The following ACSF2 variants were observed in gnomAD, a reference collection of about 807,000 sequenced individuals.
ACSF2 encodes acyl-CoA synthetase family member 2, also known as medium-chain acyl-CoA ligase ACSF2, mitochondrial.
A neutral mutation model predicts 79.3 loss-of-function variants in ACSF2; 52 were observed. That is an observed-to-expected ratio of 0.66 (90% CI 0.53 to 0.83). The LOEUF (loss-of-function observed/expected upper bound fraction) is 0.83. Ranked by LOEUF, ACSF2 falls within the 40% of genes least tolerant of loss-of-function variation. The probability of loss-of-function intolerance (pLI) is 0.00; values close to 1 mark genes in which losing one functional copy is unlikely to be tolerated. For missense variants in ACSF2, 661 were observed against 803.3 expected, an observed-to-expected ratio of 0.82 and a Z score of 2.14; for synonymous variants, 283 against 312.6, an observed-to-expected ratio of 0.91 and a Z score of 1.00.
At chr17:50,436,023 AT>A (rs969484810) in intron 1 of ACSF2, among the ~76,000 whole-genome samples, 9 of 151,104 alleles carry the variant, frequency 6.0e-5, no homozygotes, top group Middle Eastern at 3.4e-3. Flanking sequence ...AGATTTTATA[AT>A]TTTTTTTTAC....
chr17:50,462,177 T>C lies in ACSF2; in HGVS notation c.508-7T>C. ...CTGACTGGAGGTGGGGGACTCCCCT[T>C]CCACAGGTGGGCTGCAAGGCCCTTG... On this transcript the variant is annotated splice_region_variant and splice_polypyrimidine_tract_variant and intron_variant, in intron 4 of 15. Coordinates refer to ENST00000300441, the MANE Select transcript of ACSF2 (RefSeq NM_025149.6). 3 of 1,613,562 alleles carry C rather than the reference T, an allele frequency of 1.9e-6. No homozygotes were observed. In the South Asian group the frequency reaches 3.3e-5, roughly 18 times the overall value.
chr17:50,460,469 C>G (rs992842344), intron 1 of ACSF2: 2 of 592,616 alleles, frequency 3.4e-6, no homozygotes, highest in Non-Finnish European at 6.0e-6. Flanking sequence ...TTGGTGTAAC[C>G]TTGTCCCTGT....
chr17:50,464,746 A>T (rs1460649117), intron 10 of ACSF2: 7 of 320,346 alleles, frequency 2.2e-5, no homozygotes, highest in Non-Finnish European at 4.2e-5. Context: ...CTGATGACCA[A>T]CCTGTTGTGG....
chr17:50,426,272 A>G lies in ACSF2; in HGVS notation c.11A>G (p.Tyr4Cys), dbSNP rs373495853. The change falls in exon 1 of 16, where the codon TAC becomes TGC. Residue 4 changes from tyrosine to cysteine, a missense_variant. Physicochemically the swap from Tyr to Cys is radical, Grantham distance 194. Coordinates refer to ENST00000300441, the MANE Select transcript of ACSF2 (RefSeq NM_025149.6). MAV[Y>C]VGMLRLGRLC... The stretch of plus-strand genomic sequence containing the variant: ...AGGGCAAAGCGAGCCATGGCTGTCT[A>G]CGTCGGGATGCTGCGCCTGGGGAGG... 4.3e-6 allele frequency: 6 copies of G among 1,391,536 alleles called. No homozygotes were observed. The highest frequency in any genetic ancestry group is 5.6e-6 in the Non-Finnish European group (6 of 1,066,312). 86.2% of individuals were successfully genotyped at this position (1,391,536 alleles called of 1,614,324 possible).
chr17:50,442,591 A>G (rs1598399596), intron 1 of ACSF2, among the ~76,000 whole-genome samples: 2 of 151,998 alleles, frequency 1.3e-5, no homozygotes, highest in South Asian at 2.1e-4. Context: ...TTAGCCTCCC[A>G]AGTAGCTGGG....
chr17:50,441,868 C>T (rs1018177774), intron 1 of ACSF2, among the ~76,000 whole-genome samples: 3 of 151,834 alleles, frequency 2.0e-5, no homozygotes, highest in Admixed American at 1.3e-4. Flanking sequence ...TGAGACAGGA[C>T]CTTACTCTGT....
At chr17:50,466,618 G>A (rs114247589) in intron 10 of ACSF2, among the ~76,000 whole-genome samples, 2,862 of 152,288 alleles carry the variant, frequency 0.019, 100 homozygotes, top group African/African-American at 0.065. Flanking sequence ...TGGGCAGTGG[G>A]CCCAGGCTCC....
intron 3 of ACSF2, 126 bp from the exon 4 acceptor site, chr17:50,461,507 C>T (rs1190891933): frequency 6.3e-7 from 1 of 1,583,712 alleles, no homozygotes; most frequent in Non-Finnish European, 8.6e-7. Flanking sequence ...TCCTGAGGCC[C>T]ACCAAGGAGG....
chr17:50,446,329 C>A (rs1454597710), intron 1 of ACSF2, among the ~76,000 whole-genome samples: 2 of 151,954 alleles, frequency 1.3e-5, no homozygotes, highest in African/African-American at 4.8e-5. Flanking sequence ...GCAATCTTGG[C>A]TCACTGCAAT....
At chr17:50,427,394 A>G (rs536076920) in intron 1 of ACSF2, among the ~76,000 whole-genome samples, 7 of 152,226 alleles carry the variant, frequency 4.6e-5, no homozygotes, top group Non-Finnish European at 1.0e-4. Flanking sequence ...GAAAGCATGC[A>G]ATGCCTTAAC....
At chr17:50,426,513 T>C (rs1016661127) in intron 1 of ACSF2, 124 bp downstream of exon 1, 3 of 1,128,494 alleles carry the variant, frequency 2.7e-6, no homozygotes, top group East Asian at 3.1e-5. Context: ...TACCCGCCCC[T>C]CCCCCGCCCC....
At chr17:50,461,891 T>C (rs2032350850) in intron 4 of ACSF2, among the ~76,000 whole-genome samples, 1 of 151,070 alleles carries the variant, frequency 6.6e-6, no homozygotes, top group Non-Finnish European at 1.5e-5. Context: ...CTGGCGTGAG[T>C]GTGCAGGGAC....
chr17:50,461,532 G>T lies in ACSF2; in HGVS notation c.454-101G>T, dbSNP rs929213923. ...CACCAAGGAGGTCTCTGGGAGTTAGGGGGCTGTAGAGTGCTGCCTCTATGC... is the reference window on the plus strand; with the variant it reads ...CACCAAGGAGGTCTCTGGGAGTTAGTGGGCTGTAGAGTGCTGCCTCTATGC... On this transcript the variant is annotated intron_variant, in intron 3 of 15. Transcript: ENST00000300441. 6.3e-6 allele frequency: 10 copies of T among 1,593,780 alleles called. No individual in the cohort carries two copies. In the African/African-American group the frequency reaches 1.2e-4, roughly 19 times the overall value.
intron 10 of ACSF2, among the ~76,000 whole-genome samples, chr17:50,466,222 G>A (rs1173270653): frequency 6.6e-6 from 1 of 151,680 alleles, no homozygotes; most frequent in African/African-American, 2.4e-5. Context: ...GAGTAGCTGG[G>A]ACTACAAGTG....
Position 50,462,439 on chromosome 17 carries a change from G to A in ACSF2, c.646G>A (p.Val216Ile). 2 of 1,593,498 alleles carry A rather than the reference G, an allele frequency of 1.3e-6. No individual in the cohort carries two copies. The highest frequency in any genetic ancestry group is 1.7e-4 in the Middle Eastern group (1 of 5,930). Reference sequence around the variant, plus strand: ...CCCCAGGCTCCCAGATCTGACCACAGTCATCTCGGTGGATGCCCCTTTGCC... The same window carrying A: ...CCCCAGGCTCCCAGATCTGACCACAATCATCTCGGTGGATGCCCCTTTGCC... ...KSQRLPDLTT[V>I]ISVDAPLPGT... is the part of the protein sequence containing the mutation. Residue 216 changes from valine (V) to isoleucine (I), a missense_variant, in exon 6 of 16, where the codon GTC (valine) becomes ATC (isoleucine). Transcript: ENST00000300441.
In ACSF2 at chr17:50,462,446, C is replaced by T. The variant is rs773684392; in HGVS notation, c.653C>T (p.Ser218Leu). ...QRLPDLTTVI[S>L]VDAPLPGTLL... ...CTCCCAGATCTGACCACAGTCATCTCGGTGGATGCCCCTTTGCCGGGGACC... is the reference window on the plus strand; with the variant it reads ...CTCCCAGATCTGACCACAGTCATCTTGGTGGATGCCCCTTTGCCGGGGACC... The change falls in exon 6 of 16, where the codon TCG becomes TTG. Residue 218 changes from serine to leucine, a missense_variant. Coordinates refer to ENST00000300441, the MANE Select transcript of ACSF2 (RefSeq NM_025149.6). The T allele has an allele frequency of 1.5e-5, 24 of 1,611,584 alleles. No homozygotes were observed. In the East Asian group the frequency reaches 1.8e-4, roughly 12 times the overall value.
intron 6 of ACSF2, chr17:50,462,831 A>G: frequency 1.7e-6 from 1 of 591,124 alleles, no homozygotes; most frequent in East Asian, 2.8e-5. Context: ...TCACTGAACC[A>G]ACACAGGTTG....
At position 50,463,847 on chromosome 17, in the gene ACSF2, T is replaced by C. The variant is rs778283986; in HGVS notation, c.1076T>C (p.Met359Thr). 3.1e-6 allele frequency: 5 copies of C among 1,614,092 alleles called. No homozygotes were observed. Among genetic ancestry groups the C allele is most frequent in the Middle Eastern group, 1.6e-4 (1 of 6,062 alleles). The change falls in exon 9 of 16, where the codon ATG becomes ACG. Residue 359 changes from methionine to threonine, a missense_variant. Coordinates refer to ENST00000300441, the MANE Select transcript of ACSF2 (RefSeq NM_025149.6). The surrounding 1 kb of genome is among the most constrained non-coding windows in gnomAD (Gnocchi z 4.6). Reference protein sequence around the residue: ...RGTFLYGTPTMFVDILNQPDF... With the variant: ...RGTFLYGTPTTFVDILNQPDF... ...ACCTTCCTGTATGGTACCCCCACGA[T>C]GTTCGTGGACATTCTGAACCAGCCA... is the stretch of plus-strand genomic sequence containing the variant.
intron 11 of ACSF2, chr17:50,472,096 C>T (rs9896780): frequency 0.25 from 65,932 of 268,580 alleles, 8,887 homozygotes; most frequent in Non-Finnish European, 0.29. Context: ...GAGGAGACTC[C>T]CTTCTCCTCT....
Sources: allele counts gnomAD v4.1 joint callset (sites outside exome capture counted in the v4.1 genomes callset), GRCh38; gene constraint gnomAD v4.1.1; non-coding constraint Gnocchi (gnomAD v3.1); transcripts MANE v1.5; gene names NCBI Gene and HGNC (gene_info 2026-07-23, HGNC 2026-07-21).